The following MYCT1 variants were observed in gnomAD, a reference collection of about 807,000 sequenced individuals.
The protein encoded by MYCT1 is myc target protein 1.
In MYCT1, 12 loss-of-function variants were observed where a neutral mutation model predicts 15.0. The observed-to-expected ratio is 0.80, with a 90% CI of 0.51 to 1.29. The LOEUF (loss-of-function observed/expected upper bound fraction) is 1.29, where lower values mean the gene tolerates loss of function less well. Among genes scored for constraint, MYCT1 ranks in the 50% most tolerant of loss-of-function variants. The probability of loss-of-function intolerance (pLI) is 0.00; values close to 1 mark genes in which losing one functional copy is unlikely to be tolerated. For missense variants in MYCT1, 287 were observed against 279.1 expected (o/e 1.03, Z -0.20); for synonymous variants, 104 against 102.7 (o/e 1.01, Z -0.07).
chr6:152,700,733 A>G (rs1430798028), intron 1 of MYCT1, among the ~76,000 whole-genome samples: 2 of 152,146 alleles, frequency 1.3e-5, no homozygotes, highest in Non-Finnish European at 2.9e-5. Flanking sequence ...AGGCAATAGG[A>G]GACAAATACT....
At chr6:152,703,016 G>A (rs150552053) in intron 1 of MYCT1, among the ~76,000 whole-genome samples, 1 of 152,276 alleles carries the variant, frequency 6.6e-6, no homozygotes, top group African/African-American at 2.4e-5. Flanking sequence ...AAATTCATGA[G>A]AGAAAGTGGC....
the MYCT1 span, among the ~76,000 whole-genome samples, chr6:152,743,948 T>C: frequency 3.2e-3 from 483 of 152,284 alleles, 2 homozygotes; most frequent in Non-Finnish European, 5.4e-3. Context: ...TAGCTGCAGC[T>C]CCTGCTTCCT....
downstream of MYCT1, among the ~76,000 whole-genome samples, chr6:152,725,152 G>C (rs1054369708): frequency 7.1e-6 from 1 of 140,980 alleles, no homozygotes; most frequent in East Asian, 2.1e-4. Context: ...TTCATTAAAA[G>C]ATAAATTTAT....
At chr6:152,742,888 T>A in the MYCT1 span, among the ~76,000 whole-genome samples, 1 of 152,168 alleles carries the variant, frequency 6.6e-6, no homozygotes, top group Non-Finnish European at 1.5e-5. Flanking sequence ...ACTGCAAAAG[T>A]GTTTCTCATT....
At chr6:152,736,718 A>G in the MYCT1 span, among the ~76,000 whole-genome samples, 1 of 152,274 alleles carries the variant, frequency 6.6e-6, no homozygotes, top group East Asian at 1.9e-4. Flanking sequence ...ATTCGTGAAC[A>G]TGCATGATCA....
At chr6:152,698,944 T>C (rs1048932790) in intron 1 of MYCT1, among the ~76,000 whole-genome samples, 1 of 152,000 alleles carries the variant, frequency 6.6e-6, no homozygotes, top group Non-Finnish European at 1.5e-5. Context: ...ACATGGGGAG[T>C]TGACATGTAC....
chr6:152,698,128 T>A, intron 1 of MYCT1, 30 bp downstream of exon 1: 1 of 1,365,514 alleles, frequency 7.3e-7, no homozygotes, highest in Middle Eastern at 2.3e-4. Flanking sequence ...TGTTTAAAAT[T>A]TAAAATTAGG....
rs12665670 is a variant in MYCT1 at position 152,701,516 on chromosome 6, T to A, written c.196+3418T>A. Among the ~76,000 whole-genome samples the A allele has an allele frequency of 8.5e-5, 13 of 152,340 alleles. No homozygotes were observed. In the East Asian group the frequency reaches 2.1e-3, roughly 25 times the overall value. ...TGATCACTTGCAATCCAGTGATTTA[T>A]AATCTCTCCATATTCCTCCCTCTGG... is the stretch of plus-strand genomic sequence containing the variant. On this transcript the variant is annotated intron_variant, in intron 1 of 1. Transcript: ENST00000367245.
At chr6:152,702,458 T>A (rs190917688) in intron 1 of MYCT1, among the ~76,000 whole-genome samples, 1 of 152,328 alleles carries the variant, frequency 6.6e-6, no homozygotes, top group East Asian at 1.9e-4. Context: ...TATGCATCCT[T>A]GCTAACAGAC....
the MYCT1 span, among the ~76,000 whole-genome samples, chr6:152,746,012 C>A: frequency 6.6e-5 from 10 of 152,216 alleles, no homozygotes; most frequent in African/African-American, 2.4e-4. Context: ...CATAAACTCA[C>A]ACCAGCTTCC....
intron 1 of MYCT1, among the ~76,000 whole-genome samples, chr6:152,713,907 C>G (rs2099723162): frequency 6.6e-6 from 1 of 152,136 alleles, no homozygotes; most frequent in South Asian, 2.1e-4. Context: ...AAAACTGGAG[C>G]TTGACTAGTA....
chr6:152,726,858 A>G (rs1329979124), downstream of MYCT1, among the ~76,000 whole-genome samples: 2 of 152,186 alleles, frequency 1.3e-5, no homozygotes, highest in Non-Finnish European at 2.9e-5. Context: ...TGGTACTGCC[A>G]TGCTGATCTG....
rs1269010759 is a variant in MYCT1 at position 152,704,003 on chromosome 6, T to TTA, written c.196+5907_196+5908dup. ...TTATTTTATTTTATTTTATTTTATT[T>TTA]TATTTTATTTTTGAGACAGGGTCTC... On this transcript the variant is annotated intron_variant, in intron 1 of 1. Transcript: ENST00000367245. 8.3e-4 allele frequency among the ~76,000 whole-genome samples: 93 copies of TTA among 112,174 alleles called. 1 individual carries two copies. Among genetic ancestry groups the TTA allele is most frequent in the Admixed American group, 1.5e-3 (14 of 9,214 alleles). 73.6% of individuals were successfully genotyped at this position (112,174 alleles called of 152,430 possible).
chr6:152,723,535 C>T lies in MYCT1; in HGVS notation c.*1282C>T, dbSNP rs187956078. ...TGTTGCCCATGAAGAATTCTCCTTC[C>T]TGGATTGACTCTTAATCATCAGGCA... On this transcript the variant is annotated 3_prime_UTR_variant, in exon 2 of 2. Transcript: ENST00000367245. 1 of 152,284 alleles carries T rather than the reference C, an allele frequency of 6.6e-6. No individual in the cohort carries two copies. The highest frequency in any genetic ancestry group is 2.4e-5 in the African/African-American group (1 of 41,562). The allele number at this position is 152,284 out of a possible 1,614,324, so 9.4% of individuals were successfully genotyped here.
At chr6:152,718,553 C>A (rs544385396) in intron 1 of MYCT1, among the ~76,000 whole-genome samples, 1 of 151,994 alleles carries the variant, frequency 6.6e-6, no homozygotes, top group African/African-American at 2.4e-5. Context: ...GCCTCAATCA[C>A]AATAATAGAC....
At chr6:152,726,507 C>G (rs1201540562), downstream of MYCT1, among the ~76,000 whole-genome samples, 1 of 152,096 alleles carries the variant, frequency 6.6e-6, no homozygotes, top group African/African-American at 2.4e-5. Context: ...TCATGGGGCC[C>G]CACACTTCAG....
the MYCT1 span, among the ~76,000 whole-genome samples, chr6:152,740,915 A>C: frequency 6.6e-6 from 1 of 152,204 alleles, no homozygotes; most frequent in Non-Finnish European, 1.5e-5. Context: ...GTTTGTAAAG[A>C]CAGTTAACAA....
intron 1 of MYCT1, among the ~76,000 whole-genome samples, chr6:152,701,376 G>A (rs1208935561): frequency 6.6e-6 from 1 of 152,230 alleles, no homozygotes; most frequent in African/African-American, 2.4e-5. Flanking sequence ...AGAAAAGAAC[G>A]TCTTGGCTAG....
chr6:152,746,559 G>A, the MYCT1 span, among the ~76,000 whole-genome samples: 1 of 152,204 alleles, frequency 6.6e-6, no homozygotes, highest in Non-Finnish European at 1.5e-5. Context: ...AAGAGAAACT[G>A]CAGATAAGGG....
Sources: allele counts gnomAD v4.1 joint callset (sites outside exome capture counted in the v4.1 genomes callset), GRCh38; gene constraint gnomAD v4.1.1; transcripts MANE v1.5; gene names NCBI Gene and HGNC (gene_info 2026-07-23, HGNC 2026-07-21).